SYTL5: variants seen among roughly 807,000 people sequenced by gnomAD.
SYTL5 encodes the protein synaptotagmin-like protein 5.
Under a neutral mutation model 55.9 loss-of-function variants are expected in SYTL5, and 34 were observed. The observed-to-expected ratio is 0.61, with a 90% CI of 0.46 to 0.81. The LOEUF (loss-of-function observed/expected upper bound fraction) is 0.81, where lower values mean the gene tolerates loss of function less well. Ranked by LOEUF, SYTL5 falls within the 30% of genes least tolerant of loss-of-function variation. SYTL5 has a pLI of 0.00. For synonymous variants in SYTL5, 221 were observed against 188.7 expected (o/e 1.17, Z -1.40); for missense variants, 637 against 546.7 (o/e 1.17, Z -1.65).
chrX:38,031,006 G>A (rs1390635682), intron 1 of SYTL5, among the ~76,000 whole-genome samples: 2 of 111,489 alleles, frequency 1.8e-5, no homozygotes, highest in African/African-American at 6.5e-5. Flanking sequence ...TTAGGGACCT[G>A]CAGCAAAGTT....
chrX:38,078,048 A>C (rs1323938275), intron 6 of SYTL5, among the ~76,000 whole-genome samples: 1 of 111,360 alleles, frequency 9.0e-6, no homozygotes, highest in African/African-American at 3.3e-5. Context: ...AAAATGAATA[A>C]ATAAATCTCA....
the SYTL5 span, among the ~76,000 whole-genome samples, chrX:37,904,409 A>T: frequency 9.1e-6 from 1 of 110,254 alleles, no homozygotes; most frequent in East Asian, 2.8e-4. Context: ...GAAATGAAAC[A>T]CTGCCTTATA....
chrX:38,006,685 T>C lies in SYTL5; in HGVS notation c.-357+17T>C, dbSNP rs1265117955. ...CAGATTAAGGTAAGACTAATGCGTT[T>C]AGGGATCTCCAGTGTGATATCTGAT... On this transcript the variant is annotated intron_variant, in intron 1 of 16. Transcript: ENST00000297875. The C allele has an allele frequency of 9.0e-6, 1 of 111,460 alleles. No homozygotes were observed. The highest frequency in any genetic ancestry group is 9.5e-5 in the Admixed American group (1 of 10,490). 9.2% of individuals were successfully genotyped at this position (111,460 alleles called of 1,213,427 possible). A position where few individuals can be genotyped will look rare whatever the true frequency, so the allele number is the denominator to read the frequency against.
chrX:38,102,546 A>C (rs1937110703), intron 10 of SYTL5, 112 bp downstream of exon 10: 1 of 523,241 alleles, frequency 1.9e-6, no homozygotes, highest in African/African-American at 2.3e-5. Context: ...AATGAGTTAA[A>C]AGTCATTGTA....
At chrX:37,978,445 G>T in the SYTL5 span, among the ~76,000 whole-genome samples, 1 of 111,890 alleles carries the variant, frequency 8.9e-6, no homozygotes, top group Non-Finnish European at 1.9e-5. Context: ...GAAATGAACC[G>T]CAGTAGTTCC....
intron 1 of SYTL5, among the ~76,000 whole-genome samples, chrX:38,015,269 C>T (rs370050161): frequency 1.8e-5 from 2 of 111,909 alleles, no homozygotes; most frequent in Non-Finnish European, 3.8e-5. Context: ...TTGAATAATG[C>T]GAAGCATGTA....
the SYTL5 span, among the ~76,000 whole-genome samples, chrX:37,972,152 C>T: frequency 9.0e-6 from 1 of 110,792 alleles, no homozygotes; most frequent in Non-Finnish European, 1.9e-5. Context: ...CCCAAGGGCA[C>T]CTTTCAGCTG....
At chrX:37,950,641 A>G in the SYTL5 span, among the ~76,000 whole-genome samples, 4 of 111,352 alleles carry the variant, frequency 3.6e-5, no homozygotes, top group African/African-American at 1.3e-4. Context: ...TGGCTTTAAT[A>G]TTGGTTGAAA....
At chrX:37,980,985 C>CA in the SYTL5 span, among the ~76,000 whole-genome samples, 7 of 112,259 alleles carry the variant, frequency 6.2e-5, no homozygotes, top group African/African-American at 2.3e-4. Context: ...ACAGGGATGT[C>CA]ACTCAGAGAA....
chrX:37,957,210 AT>A, the SYTL5 span, among the ~76,000 whole-genome samples: 1 of 110,457 alleles, frequency 9.1e-6, no homozygotes, highest in African/African-American at 3.3e-5. Context: ...ATAGTTCGCA[AT>A]TTTTTTTCTC....
intron 1 of SYTL5, among the ~76,000 whole-genome samples, chrX:38,026,078 G>A (rs768768399): frequency 5.3e-5 from 6 of 112,556 alleles, no homozygotes; most frequent in African/African-American, 9.7e-5. Context: ...TGAGTGATTC[G>A]TGGCATGAAA....
the SYTL5 span, among the ~76,000 whole-genome samples, chrX:37,952,627 T>G: frequency 9.0e-6 from 1 of 110,995 alleles, no homozygotes; most frequent in South Asian, 3.8e-4. Context: ...GGATGGACAC[T>G]AGGAGGGATG....
chrX:38,002,351 C>A (rs1426403465), upstream of SYTL5, among the ~76,000 whole-genome samples: 5 of 111,513 alleles, frequency 4.5e-5, no homozygotes, highest in Non-Finnish European at 7.5e-5. Context: ...TTTATAGCAG[C>A]ATGATTTATA....
chrX:38,120,221 G>C (rs1474457869), intron 13 of SYTL5, 137 bp from the exon 14 acceptor site: 1 of 451,543 alleles, frequency 2.2e-6, no homozygotes, highest in Non-Finnish European at 3.9e-6. Context: ...TCTTAAACCA[G>C]TGAGAGCGAA....
the SYTL5 span, among the ~76,000 whole-genome samples, chrX:37,971,108 A>G: frequency 2.9e-5 from 3 of 104,332 alleles, no homozygotes; most frequent in African/African-American, 1.0e-4. Context: ...AAGCCAATTA[A>G]TTAGAGCTCT....
chrX:37,972,459 G>A, the SYTL5 span, among the ~76,000 whole-genome samples: 1 of 111,414 alleles, frequency 9.0e-6, no homozygotes, highest in Non-Finnish European at 1.9e-5. Flanking sequence ...GCTCCAACGC[G>A]GTGGGGCTTC....
the SYTL5 span, among the ~76,000 whole-genome samples, chrX:37,894,774 C>A: frequency 0.035 from 3,620 of 104,792 alleles, 157 homozygotes; most frequent in African/African-American, 0.12. Context: ...CATTGAAGGC[C>A]TGAATAGAAC....
At chrX:37,924,926 T>C in the SYTL5 span, among the ~76,000 whole-genome samples, 2 of 111,402 alleles carry the variant, frequency 1.8e-5, no homozygotes, top group African/African-American at 6.5e-5. Context: ...TAAACTATTG[T>C]TAACTAGAAT....
At chrX:38,038,955 G>A (rs1203665397) in intron 2 of SYTL5, among the ~76,000 whole-genome samples, 1 of 111,745 alleles carries the variant, frequency 8.9e-6, no homozygotes, top group Non-Finnish European at 1.9e-5. Flanking sequence ...TTTTAGGCCT[G>A]ACACCCAAAT....
Sources: gnomAD v4.1 joint callset for allele counts (sites outside exome capture counted in the v4.1 genomes callset) on GRCh38, gnomAD v4.1.1 for gene constraint, MANE v1.5 for transcripts, NCBI Gene and HGNC (gene_info 2026-07-23, HGNC 2026-07-21) for gene names.